Variants in IGSF11 observed in about 807,000 individuals in gnomAD.
IGSF11 encodes the protein CXADR like 1.
IGSF11 carries 22 observed loss-of-function variants against 41.0 expected under a neutral mutation model. That is an observed-to-expected ratio of 0.54 (90% CI 0.38 to 0.77). The LOEUF is 0.77. Ranked by LOEUF, IGSF11 falls within the 30% of genes least tolerant of loss-of-function variation. The pLI, the probability that IGSF11 is intolerant of heterozygous loss-of-function variation, is 0.00. For missense variants in IGSF11, 444 were observed against 530.8 expected (o/e 0.84, Z 1.61); for synonymous variants, 219 against 201.3 (o/e 1.09, Z -0.74).
At chr3:118,975,418 A>C (rs1933976443) in intron 1 of IGSF11, among the ~76,000 whole-genome samples, 1 of 151,844 alleles carries the variant, frequency 6.6e-6, no homozygotes, top group Non-Finnish European at 1.5e-5. Flanking sequence ...TTATATATTG[A>C]ATCATATACT....
intron 1 of IGSF11, among the ~76,000 whole-genome samples, chr3:118,982,366 T>C (rs1423358645): frequency 1.3e-5 from 2 of 152,170 alleles, no homozygotes; most frequent in East Asian, 1.9e-4. Flanking sequence ...AAAACTTAAT[T>C]GGAACTCTTA....
chr3:119,127,973 A>G (rs1330017862), intron 1 of IGSF11, among the ~76,000 whole-genome samples: 1 of 152,186 alleles, frequency 6.6e-6, no homozygotes, highest in African/African-American at 2.4e-5. Context: ...AAAACTAATG[A>G]CACATGAAGA....
chr3:119,135,898 T>A (rs1005342470), intron 1 of IGSF11, among the ~76,000 whole-genome samples: 7 of 151,520 alleles, frequency 4.6e-5, no homozygotes, highest in Non-Finnish European at 1.0e-4. Flanking sequence ...GAAGAATGAG[T>A]TCATGTCCTT....
intron 4 of IGSF11, among the ~76,000 whole-genome samples, chr3:118,913,435 A>G (rs188029921): frequency 7.7e-4 from 117 of 152,348 alleles, no homozygotes; most frequent in African/African-American, 2.8e-3. Context: ...AGGAAGGAAA[A>G]CACAAATGCC....
Position 118,942,366 on chromosome 3 carries a change from C to G in IGSF11, c.53-12091G>C, listed in dbSNP as rs187232910. 5.3e-5 allele frequency among the ~76,000 whole-genome samples: 8 copies of G among 152,264 alleles called. No individual in the cohort carries two copies. In the East Asian group the frequency reaches 1.5e-3, roughly 29 times the overall value. On this transcript the variant is annotated intron_variant, in intron 1 of 6. Coordinates refer to ENST00000393775, the MANE Select transcript of IGSF11 (RefSeq NM_001015887.3). ...CCCAGTGCTATATCAGGCACTTAAC[C>G]CTACAACACTACCATCCTGCAAAGC...
chr3:118,951,865 GTTTTT>G (rs906051382), intron 1 of IGSF11, among the ~76,000 whole-genome samples: 1 of 151,868 alleles, frequency 6.6e-6, no homozygotes, highest in East Asian at 1.9e-4. Context: ...TTATCATTGT[GTTTTT>G]TTAAAATTTT....
At chr3:118,912,206 T>C (rs1940409373) in intron 4 of IGSF11, among the ~76,000 whole-genome samples, 1 of 152,246 alleles carries the variant, frequency 6.6e-6, no homozygotes, top group African/African-American at 2.4e-5. Context: ...GTGAAGGTTA[T>C]TCTCCCCTTT....
chr3:119,039,413 T>G (rs1941033082), upstream of IGSF11, among the ~76,000 whole-genome samples: 1 of 152,206 alleles, frequency 6.6e-6, no homozygotes, highest in East Asian at 1.9e-4. Context: ...TCTCACCTCC[T>G]TCCACATTTA....
chr3:119,138,453 A>C (rs2107547022), intron 1 of IGSF11, among the ~76,000 whole-genome samples: 1 of 152,312 alleles, frequency 6.6e-6, no homozygotes, highest in East Asian at 1.9e-4. Flanking sequence ...GGGAGGCCAA[A>C]GCAGGCAGAT....
intron 1 of IGSF11, among the ~76,000 whole-genome samples, chr3:119,077,256 C>T (rs1455298114): frequency 6.6e-6 from 1 of 151,598 alleles, no homozygotes; most frequent in South Asian, 2.1e-4. Context: ...CATCACACAC[C>T]AGGGCCTGTT....
intron 1 of IGSF11, chr3:118,942,939 T>C (rs1255514077): frequency 1.3e-5 from 2 of 152,262 alleles, no homozygotes; most frequent in Non-Finnish European, 2.9e-5. Flanking sequence ...GAATGGAAGT[T>C]GGCCAAGTTC....
At chr3:118,922,382 C>T (rs1941886439) in intron 4 of IGSF11, among the ~76,000 whole-genome samples, 2 of 150,146 alleles carry the variant, frequency 1.3e-5, no homozygotes, top group Admixed American at 6.6e-5. Context: ...ATCTAATTAA[C>T]ATGTCAATCA....
At chr3:118,911,089 T>A (rs965243417) in intron 4 of IGSF11, among the ~76,000 whole-genome samples, 1 of 152,080 alleles carries the variant, frequency 6.6e-6, no homozygotes, top group Non-Finnish European at 1.5e-5. Context: ...TCTGAAGCAG[T>A]TGCAGAGTAA....
intron 1 of IGSF11, among the ~76,000 whole-genome samples, chr3:119,010,956 A>C (rs564800529): frequency 3.3e-5 from 5 of 152,234 alleles, no homozygotes; most frequent in Non-Finnish European, 5.9e-5. Context: ...TGAACTAAGA[A>C]GTCATTCAAT....
chr3:118,981,549 C>G (rs1027099559), intron 1 of IGSF11, among the ~76,000 whole-genome samples: 1 of 152,154 alleles, frequency 6.6e-6, no homozygotes, highest in South Asian at 2.1e-4. Flanking sequence ...CAGTTCTTCA[C>G]CTCTTCCCTG....
At chr3:118,936,823 T>C (rs1943316679) in intron 1 of IGSF11, among the ~76,000 whole-genome samples, 1 of 152,186 alleles carries the variant, frequency 6.6e-6, no homozygotes. Flanking sequence ...TTAGGGGAAA[T>C]GAAGCTGGCA....
At chr3:119,117,035 T>G (rs1288853067) in intron 1 of IGSF11, among the ~76,000 whole-genome samples, 1 of 152,126 alleles carries the variant, frequency 6.6e-6, no homozygotes. Flanking sequence ...GGGCTTTGAA[T>G]GAGATTATTT....
intron 1 of IGSF11, among the ~76,000 whole-genome samples, chr3:119,045,337 G>T (rs251455): frequency 2.0e-5 from 3 of 152,144 alleles, no homozygotes; most frequent in East Asian, 1.9e-4. Context: ...CTTGGGAAGC[G>T]CAAGGGGTCA....
intron 1 of IGSF11, among the ~76,000 whole-genome samples, chr3:118,995,790 C>A (rs982613897): frequency 6.6e-6 from 1 of 152,042 alleles, no homozygotes; most frequent in South Asian, 2.1e-4. Context: ...GTAGCTGGGA[C>A]TACAGGTGCC....
Sources: allele counts gnomAD v4.1 joint callset (sites outside exome capture counted in the v4.1 genomes callset), GRCh38; gene constraint gnomAD v4.1.1; transcripts MANE v1.5; gene names NCBI Gene and HGNC (gene_info 2026-07-23, HGNC 2026-07-21).